Variants in BUD23 observed in about 807,000 individuals in gnomAD.
BUD23 encodes 18S rRNA (guanine-N(7))-methyltransferase.
BUD23 carries 34 observed loss-of-function variants against 47.0 expected under a neutral mutation model. That is an observed-to-expected ratio of 0.72 (90% CI 0.55 to 0.96). The LOEUF (loss-of-function observed/expected upper bound fraction) is 0.96. Among genes scored for constraint, BUD23 ranks in the 40% least tolerant of loss-of-function variants. BUD23 has a pLI of 0.00. For missense variants in BUD23, 343 were observed against 361.2 expected, an observed-to-expected ratio of 0.95 and a Z score of 0.41; for synonymous variants, 124 against 132.0, an observed-to-expected ratio of 0.94 and a Z score of 0.41.
In BUD23 at chr7:73,693,344, A is replaced by G. The variant is rs1554614342; in HGVS notation, c.526A>G (p.Thr176Ala). Residue 176 changes from threonine (T) to alanine (A), a missense_variant, in exon 8 of 12, where the codon ACC becomes GCC. Transcript: ENST00000265758. ...CTTTCCTCAGTTGGAGCTGATCACA[A>G]CCCAGGCCACAAAGGCAGGCTTCTC... The part of the protein sequence containing the change: ...ENSEQLELIT[T>A]QATKAGFSGG... 1 of 1,613,614 alleles carries G rather than the reference A, an allele frequency of 6.2e-7. No individual in the cohort carries two copies. Among genetic ancestry groups the G allele is most frequent in the African/African-American group, 1.3e-5 (1 of 74,816 alleles).
At chr7:73,684,506 GC>G (rs1210260558) in intron 2 of BUD23, among the ~76,000 whole-genome samples, 50 of 150,110 alleles carry the variant, frequency 3.3e-4, no homozygotes, top group Middle Eastern at 3.4e-3. Flanking sequence ...TCGCTGTGTT[GC>G]CCAAGGTGGC....
At position 73,687,049 on chromosome 7, in the gene BUD23, G is replaced by C; in HGVS notation, c.316G>C (p.Gly106Arg). ...GGGAGACCTGCTGCTGGGGGATATG[G>C]GCCAGGGCATCCCATTCAAGCCAGG... ...IEGDLLLGDM[G>R]QGIPFKPGTF... The change falls in exon 5 of 12, where the codon GGC (glycine) becomes CGC (arginine). Residue 106 changes from glycine to arginine, a missense_variant. Gly to Arg is a moderately radical substitution (Grantham distance 125, BLOSUM62 -2). Coordinates refer to ENST00000265758, the MANE Select transcript of BUD23 (RefSeq NM_017528.5). 1 of 1,614,014 alleles carries C rather than the reference G, an allele frequency of 6.2e-7. No homozygotes were observed. Among genetic ancestry groups the C allele is most frequent in the South Asian group, 1.1e-5 (1 of 91,066 alleles).
At chr7:73,693,471 G>T in intron 8 of BUD23, 57 bp downstream of exon 8, 1 of 1,602,776 alleles carries the variant, frequency 6.2e-7, no homozygotes. Flanking sequence ...TAGTGGCATA[G>T]CCCTTTCAGG....
Position 73,686,686 on chromosome 7 carries a change from T to G in BUD23, c.137T>G (p.Leu46Arg), listed in dbSNP as rs1554613038. 1 of 1,614,124 alleles carries G rather than the reference T, an allele frequency of 6.2e-7. No homozygotes were observed. The highest frequency in any genetic ancestry group is 8.5e-7 in the Non-Finnish European group (1 of 1,180,002). The change falls in exon 3 of 12, where the codon CTT becomes CGT. Residue 46 changes from leucine to arginine, a missense_variant. Leu to Arg is a moderately radical substitution (Grantham distance 102). Transcript: ENST00000265758. ...QTRMAGRALE[L>R]LYLPENKPCY... ...AGGATGGCTGGGCGAGCATTGGAGCTTCTTTATCTGCCAGAGAATAAGCCC... is the reference window on the plus strand; with the variant it reads ...AGGATGGCTGGGCGAGCATTGGAGCGTCTTTATCTGCCAGAGAATAAGCCC...
In BUD23 at chr7:73,687,019, A is replaced by G; in HGVS notation, c.286A>G (p.Ile96Val). The G allele has an allele frequency of 6.2e-7, 1 of 1,614,132 alleles. No individual in the cohort carries two copies. The highest frequency in any genetic ancestry group is 2.2e-5 in the East Asian group (1 of 44,882). ...TGTAGATGAGGCTGTGGACCGAGAG[A>G]TAGAGGGAGACCTGCTGCTGGGGGA... ...AMLDEAVDRE[I>V]EGDLLLGDMG... Residue 96 changes from isoleucine to valine, a missense_variant, in exon 5 of 12, where the codon ATA becomes GTA. Physicochemically the swap from Ile to Val is conservative, Grantham distance 29. Transcript: ENST00000265758.
Position 73,683,788 on chromosome 7 carries a change from CG to C in BUD23, c.72del (p.Lys25AsnfsTer8). 6.2e-7 allele frequency: 1 copy of C among 1,614,146 alleles called. No individual in the cohort carries two copies. The highest frequency in any genetic ancestry group is 8.5e-7 in the Non-Finnish European group (1 of 1,180,036). On this transcript the variant is annotated frameshift_variant, in exon 2 of 12. Coordinates refer to ENST00000265758, the MANE Select transcript of BUD23 (RefSeq NM_017528.5). LOFTEE classifies it high-confidence loss of function. ...GCAGTTTTATGACGAGACAGAAGCC[CG>C]GAAATACGTTCGCAAGTGAGGGGAG... ...PELFYDETEARKYVRNSRMID... is the reference protein window; with the variant it reads ...PELFYDETEAXKYVRNSRMID...
At position 73,697,896 on chromosome 7, in the gene BUD23, C is replaced by G. The variant is rs201145963; in HGVS notation, c.*10C>G. 6.2e-7 allele frequency: 1 copy of G among 1,612,250 alleles called. No individual in the cohort carries two copies. Among genetic ancestry groups the G allele is most frequent in the African/African-American group, 1.3e-5 (1 of 74,726 alleles). On this transcript the variant is annotated 3_prime_UTR_variant, in exon 12 of 12. Transcript: ENST00000265758. ...CAAGCCCCGCTTCTAAGTCACCACGCGGTTCTGGAAAGGCACTTGCCTCTG... is the reference window on the plus strand; with the variant it reads ...CAAGCCCCGCTTCTAAGTCACCACGGGGTTCTGGAAAGGCACTTGCCTCTG...
At chr7:73,687,890 C>T (rs1386198398) in intron 5 of BUD23, among the ~76,000 whole-genome samples, 5 of 151,436 alleles carry the variant, frequency 3.3e-5, no homozygotes, top group South Asian at 2.1e-4. Context: ...AAAAGCCAGA[C>T]GTGGTTGTTG....
intron 5 of BUD23, 53 bp downstream of exon 5, chr7:73,687,148 A>G (rs1235603916): frequency 3.8e-6 from 6 of 1,577,724 alleles, no homozygotes; most frequent in African/African-American, 2.7e-5. Context: ...GTCTCACTCT[A>G]TCACTTAGGC....
In BUD23 at chr7:73,683,803, A is replaced by C. The variant is rs1554612208; in HGVS notation, c.85A>C (p.Asn29His). Residue 29 changes from asparagine to histidine, a missense_variant and splice_region_variant, in exon 2 of 12, where the codon AAC (asparagine) becomes CAC (histidine). Physicochemically the swap from Asn to His is moderately conservative, Grantham distance 68. Transcript: ENST00000265758. ...DETEARKYVR[N>H]SRMIDIQTRM... is the part of the protein sequence containing the mutation. The stretch of plus-strand genomic sequence containing the variant: ...GACAGAAGCCCGGAAATACGTTCGC[A>C]AGTGAGGGGAGCCTGAATACTGCGG... 6.8e-6 allele frequency: 11 copies of C among 1,614,058 alleles called. No individual in the cohort carries two copies. Among genetic ancestry groups the C allele is most frequent in the Non-Finnish European group, 9.3e-6 (11 of 1,180,014 alleles).
In BUD23 at chr7:73,687,016, GAGAT is replaced by G. The variant is rs782305189; in HGVS notation, c.287_290del (p.Ile96ArgfsTer77). ...TAATGTAGATGAGGCTGTGGACCGAGAGATAGAGGGAGACCTGCTGCTGGGGGAT... is the reference window on the plus strand; with the variant it reads ...TAATGTAGATGAGGCTGTGGACCGAGAGAGGGAGACCTGCTGCTGGGGGAT... On this transcript the variant is annotated frameshift_variant, in exon 5 of 12. Transcript: ENST00000265758. LOFTEE classifies it high-confidence loss of function. 3.1e-6 allele frequency: 5 copies of G among 1,614,086 alleles called. No individual in the cohort carries two copies. The South Asian group carries it at 5.5e-5, about 18-fold the overall frequency.
intron 10 of BUD23, chr7:73,697,150 T>TAG (rs1201977191): frequency 2.5e-6 from 1 of 402,122 alleles, no homozygotes; most frequent in Admixed American, 4.1e-5. Context: ...TCTTCCCTCA[T>TAG]ACCCCTCAGT....
chr7:73,697,017 C>T (rs930220730), intron 10 of BUD23: 14 of 218,850 alleles, frequency 6.4e-5, no homozygotes, highest in African/African-American at 3.2e-4. Flanking sequence ...TGCTCTGCAG[C>T]TGCTCCTGCT....
At position 73,686,863 on chromosome 7, in the gene BUD23, C is replaced by T. The variant is rs201319920; in HGVS notation, c.228C>T (p.His76=). The T allele has an allele frequency of 5.6e-5, 90 of 1,614,188 alleles. No homozygotes were observed. The highest frequency in any genetic ancestry group is 7.5e-5 in the Non-Finnish European group (88 of 1,180,034). The part of the protein sequence containing the change: ...LSGSYLSDEG[H]YWVGLDISPA... ...GAAGTTATCTGTCAGATGAAGGGCA[C>T]TATTGGGTGGGCCTGGATATCAGCC... The change falls in exon 4 of 12, where the codon CAC becomes CAT. Residue 76 remains histidine (H), a synonymous_variant. Coordinates refer to ENST00000265758, the MANE Select transcript of BUD23 (RefSeq NM_017528.5).
chr7:73,684,180 T>C (rs1417144141), intron 2 of BUD23, among the ~76,000 whole-genome samples: 1 of 152,038 alleles, frequency 6.6e-6, no homozygotes, highest in African/African-American at 2.4e-5. Context: ...CCAATAAATC[T>C]CCAAGACAGC....
Position 73,697,935 on chromosome 7 carries a change from T to C in BUD23, c.*49T>C, listed in dbSNP as rs1346535650. 6.4e-7 allele frequency: 1 copy of C among 1,560,668 alleles called. No homozygotes were observed. Among genetic ancestry groups the C allele is most frequent in the Non-Finnish European group, 8.6e-7 (1 of 1,156,812 alleles). ...CACTTGCCTCTGCACTTTTCTATAT[T>C]GTTCAGCTGACAAAGTAGTATTTTA... On this transcript the variant is annotated 3_prime_UTR_variant, in exon 12 of 12. Transcript: ENST00000265758.
chr7:73,687,745 C>G (rs1318607155), intron 5 of BUD23, among the ~76,000 whole-genome samples: 5 of 152,150 alleles, frequency 3.3e-5, no homozygotes, highest in African/African-American at 7.2e-5. Context: ...GTGCAGCAGA[C>G]TCATGCAGAT....
chr7:73,694,276 G>A, intron 10 of BUD23: 1 of 486,488 alleles, frequency 2.1e-6, no homozygotes, highest in Non-Finnish European at 3.6e-6. Flanking sequence ...CCCTTTGTGA[G>A]CCCACACATG....
intron 10 of BUD23, chr7:73,694,309 G>A: frequency 2.4e-6 from 1 of 422,364 alleles, no homozygotes; most frequent in Non-Finnish European, 4.2e-6. Context: ...GCCACGCCTG[G>A]CAGGCTGTCT....
Sources: gnomAD v4.1 joint callset for allele counts (sites outside exome capture counted in the v4.1 genomes callset) on GRCh38, gnomAD v4.1.1 for gene constraint, MANE v1.5 for transcripts, NCBI Gene and HGNC (gene_info 2026-07-23, HGNC 2026-07-21) for gene names.